TECPR2: variants seen among roughly 807,000 people sequenced by gnomAD.
The protein encoded by TECPR2 is tectonin beta-propeller repeat containing 2.
A neutral mutation model predicts 138.1 loss-of-function variants in TECPR2; 65 were observed. That is an observed-to-expected ratio of 0.47 (90% CI 0.39 to 0.58). The LOEUF (loss-of-function observed/expected upper bound fraction) is 0.58. Ranked by LOEUF, TECPR2 falls within the 20% of genes least tolerant of loss-of-function variation. TECPR2 has a pLI of 0.00. For missense variants in TECPR2, 1,553 were observed against 1,824.5 expected (o/e 0.85, Z 2.71); for synonymous variants, 746 against 749.8 (o/e 0.99, Z 0.08).
chr14:102,380,137 G>A (rs112968965), intron 2 of TECPR2, among the ~76,000 whole-genome samples: 6 of 143,644 alleles, frequency 4.2e-5, no homozygotes, highest in South Asian at 2.2e-4. Flanking sequence ...GCACAGAGGC[G>A]TCCTGGTCAC....
chr14:102,446,593 T>G (rs2139747475), intron 13 of TECPR2, among the ~76,000 whole-genome samples: 1 of 152,076 alleles, frequency 6.6e-6, no homozygotes. Context: ...AGACCCTGTC[T>G]CAAAATAAAT....
intron 2 of TECPR2, among the ~76,000 whole-genome samples, chr14:102,406,375 C>G (rs557098650): frequency 1.3e-5 from 2 of 151,752 alleles, no homozygotes; most frequent in African/African-American, 4.8e-5. Context: ...GGTGAAACCC[C>G]GTCTCTACTA....
At chr14:102,454,166 A>T (rs546228915) in intron 16 of TECPR2, among the ~76,000 whole-genome samples, 5 of 152,036 alleles carry the variant, frequency 3.3e-5, no homozygotes, top group Admixed American at 1.3e-4. Flanking sequence ...AAGAAAAAAA[A>T]AAAAAAGAAA....
intron 17 of TECPR2, among the ~76,000 whole-genome samples, chr14:102,493,508 C>A (rs1454738829): frequency 2.0e-5 from 3 of 152,202 alleles, no homozygotes; most frequent in African/African-American, 7.2e-5. Context: ...AACCCCAGGT[C>A]CATGGAATGG....
chr14:102,378,524 G>A (rs1887702316), intron 2 of TECPR2, among the ~76,000 whole-genome samples: 1 of 152,172 alleles, frequency 6.6e-6, no homozygotes, highest in African/African-American at 2.4e-5. Context: ...TAAGGAGACA[G>A]CTGGTGAAGA....
chr14:102,439,798 G>A (rs1889781191), intron 10 of TECPR2, among the ~76,000 whole-genome samples: 1 of 152,238 alleles, frequency 6.6e-6, no homozygotes, highest in Non-Finnish European at 1.5e-5. Context: ...ATCACTGGTG[G>A]CCCCTTGCCT....
intron 17 of TECPR2, among the ~76,000 whole-genome samples, chr14:102,487,987 A>G (rs1251788234): frequency 6.7e-6 from 1 of 150,044 alleles, no homozygotes; most frequent in Admixed American, 6.6e-5. Flanking sequence ...GATTACAGGC[A>G]TGAGCCACCA....
intron 16 of TECPR2, among the ~76,000 whole-genome samples, chr14:102,464,885 G>A (rs141124860): frequency 2.3e-4 from 35 of 152,328 alleles, no homozygotes; most frequent in African/African-American, 6.3e-4. Context: ...AAGGGGTGCC[G>A]TGTGGCGCCT....
At chr14:102,489,703 C>A (rs1214538747) in intron 17 of TECPR2, among the ~76,000 whole-genome samples, 26 of 134,040 alleles carry the variant, frequency 1.9e-4, no homozygotes, top group Non-Finnish European at 1.9e-4. Flanking sequence ...AAAACTGTGT[C>A]AAAAAAAAAA....
chr14:102,487,502 A>C (rs1261738868), intron 17 of TECPR2, among the ~76,000 whole-genome samples: 1 of 152,062 alleles, frequency 6.6e-6, no homozygotes, highest in African/African-American at 2.4e-5. Flanking sequence ...AGTTTGAAGA[A>C]CTGTGGTCTG....
At chr14:102,399,927 G>A (rs1390461796) in intron 2 of TECPR2, among the ~76,000 whole-genome samples, 2 of 151,654 alleles carry the variant, frequency 1.3e-5, no homozygotes, top group Non-Finnish European at 2.9e-5. Flanking sequence ...CTGTAACAAT[G>A]GTTTATAATT....
chr14:102,401,118 A>G (rs1230587090), intron 2 of TECPR2, among the ~76,000 whole-genome samples: 1 of 152,056 alleles, frequency 6.6e-6, no homozygotes, highest in African/African-American at 2.4e-5. Flanking sequence ...CTCCAATCAA[A>G]AGACAAAGAT....
At chr14:102,403,130 T>C (rs1888541625) in intron 2 of TECPR2, among the ~76,000 whole-genome samples, 1 of 152,016 alleles carries the variant, frequency 6.6e-6, no homozygotes, top group Non-Finnish European at 1.5e-5. Context: ...GATGCAAAAA[T>C]CTTCAAGAAA....
Position 102,443,969 on chromosome 14 carries a change from C to T in TECPR2, c.2933+142C>T. ...ATGGCTATAGGCTAAGCTTGAATCTCTGCCTAATTCTGACCGGCAAACTGG... is the reference window on the plus strand; with the variant it reads ...ATGGCTATAGGCTAAGCTTGAATCTTTGCCTAATTCTGACCGGCAAACTGG... On this transcript the variant is annotated intron_variant, in intron 12 of 19. Transcript: ENST00000359520. This position sits in a 1 kb window ranked among gnomAD's most constrained non-coding sequence, Gnocchi z 4.9. 1 of 801,628 alleles carries T rather than the reference C, an allele frequency of 1.2e-6. No individual in the cohort carries two copies. Among genetic ancestry groups the T allele is most frequent in the Non-Finnish European group, 1.8e-6 (1 of 554,850 alleles). 49.7% of individuals were successfully genotyped at this position (801,628 alleles called of 1,614,324 possible).
chr14:102,414,559 G>C, intron 4 of TECPR2, 77 bp from the exon 5 acceptor site: 2 of 1,555,370 alleles, frequency 1.3e-6, no homozygotes, highest in Non-Finnish European at 1.7e-6. Flanking sequence ...TAGCGGGAAG[G>C]ACACTGACTT....
At chr14:102,460,293 A>G (rs994037316) in intron 16 of TECPR2, among the ~76,000 whole-genome samples, 5 of 152,082 alleles carry the variant, frequency 3.3e-5, no homozygotes, top group African/African-American at 1.2e-4. Context: ...CTCTGTCTCA[A>G]AAAATACTAC....
intron 17 of TECPR2, among the ~76,000 whole-genome samples, chr14:102,481,817 A>G (rs1225616942): frequency 6.6e-6 from 1 of 151,936 alleles, no homozygotes; most frequent in African/African-American, 2.4e-5. Context: ...TCTCTGCGGG[A>G]AGAGAAGCAT....
chr14:102,411,239 T>A (rs1220962370), intron 4 of TECPR2, among the ~76,000 whole-genome samples: 2 of 152,372 alleles, frequency 1.3e-5, no homozygotes, highest in East Asian at 3.9e-4. Flanking sequence ...CGCCCCAACA[T>A]TTCAACACCA....
chr14:102,411,707 A>C (rs1432820595), intron 4 of TECPR2, among the ~76,000 whole-genome samples: 2 of 78,544 alleles, frequency 2.5e-5, no homozygotes, highest in South Asian at 4.0e-4. Flanking sequence ...CTCAAAAAAA[A>C]AAAAAAAAAA....
Sources: allele counts gnomAD v4.1 joint callset (sites outside exome capture counted in the v4.1 genomes callset), GRCh38; gene constraint gnomAD v4.1.1; non-coding constraint Gnocchi (gnomAD v3.1); transcripts MANE v1.5; gene names NCBI Gene and HGNC (gene_info 2026-07-23, HGNC 2026-07-21).